Variants in DCLK1 observed in about 807,000 individuals in gnomAD.
DCLK1 encodes the protein serine/threonine-protein kinase DCLK1.
DCLK1 carries 16 observed loss-of-function variants against 86.2 expected under a neutral mutation model. That is an observed-to-expected ratio of 0.19 (90% CI 0.13 to 0.28). The LOEUF (loss-of-function observed/expected upper bound fraction) is 0.28, where lower values mean the gene tolerates loss of function less well. Ranked by LOEUF, DCLK1 falls within the 10% of genes least tolerant of loss-of-function variation. DCLK1 has a pLI of 1.00. For synonymous variants in DCLK1, 369 were observed against 370.5 expected (o/e 1.00, Z 0.05); for missense variants, 590 against 940.2 (o/e 0.63, Z 4.87).
chr13:35,826,215 C>A (rs951988683), intron 10 of DCLK1, among the ~76,000 whole-genome samples: 1 of 151,802 alleles, frequency 6.6e-6, no homozygotes, highest in Non-Finnish European at 1.5e-5. Context: ...TAAAAAAAGG[C>A]TCCCATTCTT....
In DCLK1 at chr13:35,986,420, G is replaced by A. The variant is rs1015084646; in HGVS notation, c.724-38963C>T. Among the ~76,000 whole-genome samples the A allele has an allele frequency of 3.3e-5, 5 of 150,444 alleles. 1 individual carries two copies. The highest frequency in any genetic ancestry group is 7.4e-5 in the Non-Finnish European group (5 of 67,762). ...TGGTCTCAAACCCACCCTAGCAAGC[G>A]AACTCCCAGTATAGTTTGTTTCCAT... On this transcript the variant is annotated intron_variant, in intron 3 of 16. Coordinates refer to ENST00000360631, the MANE Select transcript of DCLK1 (RefSeq NM_001330071.2).
intron 14 of DCLK1, among the ~76,000 whole-genome samples, chr13:35,806,605 G>GTGATT (rs1414086281): frequency 1.3e-5 from 2 of 152,202 alleles, no homozygotes; most frequent in Non-Finnish European, 1.5e-5. Context: ...CGGGAAGGGG[G>GTGATT]TGATTTAATT....
At chr13:36,052,868 CCAAA>C (rs948670548) in intron 3 of DCLK1, among the ~76,000 whole-genome samples, 10 of 152,140 alleles carry the variant, frequency 6.6e-5, no homozygotes, top group Admixed American at 1.3e-4. Context: ...CACTCCCCAC[CCAAA>C]CACTCATTCT....
At chr13:35,867,284 A>G (rs1871862103) in intron 5 of DCLK1, among the ~76,000 whole-genome samples, 1 of 152,218 alleles carries the variant, frequency 6.6e-6, no homozygotes, top group African/African-American at 2.4e-5. Flanking sequence ...TTTTATATAC[A>G]CAAAAAGCTC....
intron 4 of DCLK1, among the ~76,000 whole-genome samples, chr13:35,932,102 G>C (rs1043100012): frequency 6.6e-6 from 1 of 152,174 alleles, no homozygotes; most frequent in Non-Finnish European, 1.5e-5. Context: ...GACTCCATAA[G>C]GTAGACTACC....
intron 3 of DCLK1, among the ~76,000 whole-genome samples, chr13:36,081,301 G>T (rs1884411350): frequency 6.6e-6 from 1 of 151,652 alleles, no homozygotes; most frequent in African/African-American, 2.4e-5. Context: ...TATCATGAAG[G>T]CTGACAAAAA....
intron 4 of DCLK1, among the ~76,000 whole-genome samples, chr13:35,893,544 A>G (rs1179248845): frequency 1.3e-5 from 2 of 152,194 alleles, no homozygotes; most frequent in African/African-American, 4.8e-5. Flanking sequence ...ATGATGCCAC[A>G]AGTGAAAGAT....
intron 5 of DCLK1, among the ~76,000 whole-genome samples, chr13:35,862,815 T>C (rs1200248933): frequency 6.6e-6 from 1 of 152,200 alleles, no homozygotes; most frequent in Non-Finnish European, 1.5e-5. Context: ...TCCTTTTCTC[T>C]TGGAAGAGCT....
chr13:35,909,152 C>T (rs1046952819), intron 4 of DCLK1, among the ~76,000 whole-genome samples: 2 of 152,110 alleles, frequency 1.3e-5, no homozygotes, highest in Non-Finnish European at 2.9e-5. Context: ...CACCCGGGAG[C>T]GGCATTTTAT....
chr13:35,826,528 A>AGG (rs1240409417), intron 10 of DCLK1, among the ~76,000 whole-genome samples: 31 of 67,852 alleles, frequency 4.6e-4, no homozygotes, highest in African/African-American at 1.2e-3. Context: ...CATCTCAAAA[A>AGG]AAAAAAAAAA....
intron 5 of DCLK1, among the ~76,000 whole-genome samples, chr13:35,859,155 A>G (rs1347118794): frequency 1.3e-5 from 2 of 152,142 alleles, no homozygotes; most frequent in Non-Finnish European, 2.9e-5. Flanking sequence ...CTTATTACAC[A>G]ATTCTTTATC....
intron 2 of DCLK1, among the ~76,000 whole-genome samples, chr13:36,115,328 TAAAC>T (rs1461812336): frequency 9.9e-5 from 15 of 151,752 alleles, no homozygotes; most frequent in African/African-American, 3.1e-4. Flanking sequence ...GAATTTATCT[TAAAC>T]AAACAAACAA....
chr13:35,941,848 A>G (rs906722537), intron 4 of DCLK1, among the ~76,000 whole-genome samples: 1 of 152,172 alleles, frequency 6.6e-6, no homozygotes, highest in African/African-American at 2.4e-5. Flanking sequence ...TAAAAATATG[A>G]TACCCCTACA....
chr13:35,919,158 C>G (rs901260672), intron 4 of DCLK1, among the ~76,000 whole-genome samples: 24 of 152,052 alleles, frequency 1.6e-4, no homozygotes, highest in African/African-American at 5.8e-4. Flanking sequence ...TCCCAAAGTG[C>G]TGGGATTACA....
chr13:35,808,318 C>A lies in DCLK1; in HGVS notation c.1769G>T (p.Ser590Ile). Residue 590 changes from serine (S) to isoleucine (I), a missense_variant and splice_region_variant, in exon 14 of 17, where the codon AGT becomes ATT. Coordinates refer to ENST00000360631, the MANE Select transcript of DCLK1 (RefSeq NM_001330071.2). ...LLCGFPPFRG[S>I]GDDQEVLFDQ... The stretch of plus-strand genomic sequence containing the variant: ...AAAAAGCACCTCCTGGTCATCACCA[C>A]TTCTGTTTAGGTGAACGACAACAAG... The A allele has an allele frequency of 2.5e-6, 4 of 1,613,984 alleles. No individual in the cohort carries two copies. Among genetic ancestry groups the A allele is most frequent in the Non-Finnish European group, 3.4e-6 (4 of 1,179,850 alleles).
intron 3 of DCLK1, among the ~76,000 whole-genome samples, chr13:36,062,935 A>G (rs189199965): frequency 6.6e-6 from 1 of 152,210 alleles, no homozygotes; most frequent in Non-Finnish European, 1.5e-5. Flanking sequence ...CTTAATGAGT[A>G]TATTTCCTGA....
At chr13:35,971,800 C>T (rs1428851513) in intron 3 of DCLK1, among the ~76,000 whole-genome samples, 1 of 152,004 alleles carries the variant, frequency 6.6e-6, no homozygotes, top group African/African-American at 2.4e-5. Context: ...AAGGCACTCT[C>T]CCTGTTAATG....
At chr13:35,777,360 G>C (rs1267012896) in intron 16 of DCLK1, among the ~76,000 whole-genome samples, 1 of 152,194 alleles carries the variant, frequency 6.6e-6, no homozygotes, top group Non-Finnish European at 1.5e-5. Flanking sequence ...GGCATGTGGA[G>C]AGACTTGCCC....
At chr13:36,130,720 C>G (rs887263561) in intron 1 of DCLK1, among the ~76,000 whole-genome samples, 1 of 152,128 alleles carries the variant, frequency 6.6e-6, no homozygotes, top group African/African-American at 2.4e-5. Context: ...AGGCCGGGCC[C>G]GGCCACTCCT....
Sources: allele counts gnomAD v4.1 joint callset (sites outside exome capture counted in the v4.1 genomes callset), GRCh38; gene constraint gnomAD v4.1.1; transcripts MANE v1.5; gene names NCBI Gene and HGNC (gene_info 2026-07-23, HGNC 2026-07-21).